Variants in CFAP77 observed in about 807,000 individuals in gnomAD.
The protein encoded by CFAP77 is cilia- and flagella-associated protein 77.
Under a neutral mutation model 31.1 loss-of-function variants are expected in CFAP77, and 25 were observed. The observed-to-expected ratio is 0.80, with a 90% CI of 0.59 to 1.12. The LOEUF (loss-of-function observed/expected upper bound fraction) is 1.12. Ranked by LOEUF, CFAP77 falls within the 50% of genes most tolerant of loss-of-function variation. The probability of loss-of-function intolerance (pLI) is 0.00; values close to 1 mark genes in which losing one functional copy is unlikely to be tolerated. For missense variants in CFAP77, 377 were observed against 397.3 expected, an observed-to-expected ratio of 0.95 and a Z score of 0.44; for synonymous variants, 151 against 159.9, an observed-to-expected ratio of 0.94 and a Z score of 0.42.
At chr9:132,526,390 TGG>T (rs1852362315) in intron 3 of CFAP77, among the ~76,000 whole-genome samples, 1 of 150,350 alleles carries the variant, frequency 6.7e-6, no homozygotes. Context: ...CCACCACGCC[TGG>T]CTAATTTTTT....
chr9:132,516,796 A>C (rs1258270465), intron 3 of CFAP77, among the ~76,000 whole-genome samples: 1 of 152,036 alleles, frequency 6.6e-6, no homozygotes, highest in Non-Finnish European at 1.5e-5. Flanking sequence ...TGATCTCCAT[A>C]AAAGTTTCAG....
intron 5 of CFAP77, among the ~76,000 whole-genome samples, chr9:132,566,329 CA>C (rs1199657104): frequency 6.6e-6 from 1 of 152,216 alleles, no homozygotes; most frequent in African/African-American, 2.4e-5. Flanking sequence ...TGAAATGAAG[CA>C]AATGACTTAA....
chr9:132,521,133 G>A (rs1457236069), intron 3 of CFAP77, among the ~76,000 whole-genome samples: 1 of 151,930 alleles, frequency 6.6e-6, no homozygotes, highest in Non-Finnish European at 1.5e-5. Context: ...GGCCTGGCCG[G>A]GCTCTCTGTT....
At chr9:132,493,474 G>A (rs1302223573) in intron 1 of CFAP77, among the ~76,000 whole-genome samples, 1 of 152,238 alleles carries the variant, frequency 6.6e-6, no homozygotes, top group Non-Finnish European at 1.5e-5. Flanking sequence ...GGTCTCCGCT[G>A]TGGACAGAGA....
chr9:132,538,496 A>G (rs1294073716), intron 4 of CFAP77, among the ~76,000 whole-genome samples: 1 of 152,230 alleles, frequency 6.6e-6, no homozygotes, highest in Non-Finnish European at 1.5e-5. Context: ...ACATGTGAAA[A>G]TACTCAAGGC....
chr9:132,540,349 C>T (rs1226466999), intron 4 of CFAP77, among the ~76,000 whole-genome samples: 2 of 152,150 alleles, frequency 1.3e-5, no homozygotes, highest in African/African-American at 4.8e-5. Flanking sequence ...CAAAACAGCT[C>T]GTGTGGTTTG....
chr9:132,420,685 A>G (rs564495164), intron 1 of CFAP77, among the ~76,000 whole-genome samples: 1 of 151,810 alleles, frequency 6.6e-6, no homozygotes, highest in Admixed American at 6.6e-5. Flanking sequence ...AAAAAAGAAG[A>G]ACAGAACAAT....
In CFAP77 at chr9:132,539,188, A is replaced by G. The variant is rs1373536369; in HGVS notation, c.630+1482A>G. Among the ~76,000 whole-genome samples the G allele has an allele frequency of 6.6e-6, 1 of 152,240 alleles. No individual in the cohort carries two copies. ...GAGAGATCAGATTGGCCTCCTCGGC[A>G]GTAGGTCCAGACTGACGATGGTAAA... On this transcript the variant is annotated intron_variant, in intron 4 of 5. Coordinates refer to ENST00000393216, the MANE Select transcript of CFAP77 (RefSeq NM_001282957.2). The surrounding 1 kb of genome is among the most constrained non-coding windows in gnomAD (Gnocchi z 4.3).
At chr9:132,493,032 A>G (rs1357730928) in intron 1 of CFAP77, among the ~76,000 whole-genome samples, 2 of 152,112 alleles carry the variant, frequency 1.3e-5, no homozygotes, top group African/African-American at 2.4e-5. Context: ...TGCGCTTTGC[A>G]TGTAGGAGTC....
At chr9:132,519,362 G>A (rs111207597) in intron 3 of CFAP77, among the ~76,000 whole-genome samples, 299 of 1,490 alleles carry the variant, frequency 0.2, no homozygotes, top group Non-Finnish European at 0.22. Context: ...GTGGGTGGAT[G>A]GTTGGGTGGA....
intron 1 of CFAP77, among the ~76,000 whole-genome samples, chr9:132,462,629 C>G (rs10217730): frequency 0.047 from 7,085 of 152,078 alleles, 345 homozygotes; most frequent in African/African-American, 0.13. Context: ...GCCTGGCTAA[C>G]GTGGTAAAAC....
intron 3 of CFAP77, among the ~76,000 whole-genome samples, chr9:132,504,691 C>T (rs561808245): frequency 1.2e-4 from 19 of 152,338 alleles, no homozygotes; most frequent in African/African-American, 4.6e-4. Flanking sequence ...TCCCCCAAAG[C>T]AGGCCCAAAT....
chr9:132,523,361 T>G (rs1258755742), intron 3 of CFAP77, among the ~76,000 whole-genome samples: 1 of 152,202 alleles, frequency 6.6e-6, no homozygotes, highest in African/African-American at 2.4e-5. Flanking sequence ...AGTGCTGGGA[T>G]TACAGATATG....
rs1364564058 is a variant in CFAP77 at position 132,499,608 on chromosome 9, G to A, written c.524+8G>A. 1.2e-6 allele frequency: 2 copies of A among 1,613,698 alleles called. No homozygotes were observed. Among genetic ancestry groups the A allele is most frequent in the East Asian group, 2.2e-5 (1 of 44,880 alleles). On this transcript the variant is annotated splice_region_variant and intron_variant, in intron 3 of 5. Coordinates refer to ENST00000393216, the MANE Select transcript of CFAP77 (RefSeq NM_001282957.2). This position sits in a 1 kb window ranked among gnomAD's most constrained non-coding sequence, Gnocchi z 5.4. ...ATTTGGGATCCGGGCACGGTAAGGT[G>A]GCTGGCAGCCAGGGCTTCATCCCTT...
At chr9:132,494,387 C>A (rs1851705325) in intron 1 of CFAP77, among the ~76,000 whole-genome samples, 1 of 152,236 alleles carries the variant, frequency 6.6e-6, no homozygotes, top group Admixed American at 6.5e-5. Flanking sequence ...TATGTCCAGA[C>A]ATGGCCAGAT....
rs111752521 is a variant in CFAP77, at chr9:132,454,743, G to A, written c.196-43952G>A. The stretch of plus-strand genomic sequence containing the variant: ...TTGAGAAGGCAGACATACCTATAAC[G>A]TAGCCAGGGGCCAGCATTGCCCTTG... On this transcript the variant is annotated intron_variant, in intron 1 of 5. Transcript: ENST00000393216. 4.8e-3 allele frequency among the ~76,000 whole-genome samples: 724 copies of A among 152,308 alleles called. 6 individuals are homozygous for A. The highest frequency in any genetic ancestry group is 0.016 in the African/African-American group (676 of 41,560).
At chr9:132,438,519 G>GTGTATATATATATATATATATATATA (rs1491578851) in intron 1 of CFAP77, among the ~76,000 whole-genome samples, 1 of 116,674 alleles carries the variant, frequency 8.6e-6, no homozygotes, top group African/African-American at 3.4e-5. Flanking sequence ...AACAGATATG[G>GTGTATATATATATATATATATATATA]TATATATATA....
chr9:132,420,534 A>G (rs1272258281), intron 1 of CFAP77, among the ~76,000 whole-genome samples: 1 of 151,736 alleles, frequency 6.6e-6, no homozygotes, highest in East Asian at 1.9e-4. Flanking sequence ...GGTGGTGCAC[A>G]CCTGTAATCC....
chr9:132,558,203 AGAT>A (rs1359393621), intron 5 of CFAP77, among the ~76,000 whole-genome samples: 2 of 152,268 alleles, frequency 1.3e-5, no homozygotes, highest in East Asian at 3.8e-4. Flanking sequence ...TGCTACATTA[AGAT>A]GATATTTATA....
Sources: gnomAD v4.1 joint callset for allele counts (sites outside exome capture counted in the v4.1 genomes callset) on GRCh38, gnomAD v4.1.1 for gene constraint, Gnocchi (gnomAD v3.1) non-coding constraint, MANE v1.5 for transcripts, NCBI Gene and HGNC (gene_info 2026-07-23, HGNC 2026-07-21) for gene names.